Variants in ANKRD11 observed in about 807,000 individuals in gnomAD.
ANKRD11 encodes the protein ankyrin repeat domain-containing protein 11.
A neutral mutation model predicts 195.7 loss-of-function variants in ANKRD11; 17 were observed. The ratio of observed to expected loss-of-function variants is 0.09; its 90% CI spans 0.06 to 0.13. The LOEUF (loss-of-function observed/expected upper bound fraction) is 0.13. Ranked by LOEUF, ANKRD11 falls within the 10% of genes least tolerant of loss-of-function variation. The probability of loss-of-function intolerance (pLI) is 1.00; values close to 1 mark genes in which losing one functional copy is unlikely to be tolerated. For missense variants in ANKRD11, 3,735 were observed against 3,566.1 expected (o/e 1.05, Z -1.21); for synonymous variants, 1,953 against 1,528.1 (o/e 1.28, Z -6.49).
chr16:89,469,479 T>A (rs2056996072), intron 1 of ANKRD11, among the ~76,000 whole-genome samples: 1 of 152,140 alleles, frequency 6.6e-6, no homozygotes, highest in African/African-American at 2.4e-5. Context: ...CACCTTGGCC[T>A]CCCGAAGTGC....
intron 1 of ANKRD11, among the ~76,000 whole-genome samples, chr16:89,444,255 G>A (rs959643375): frequency 3.3e-5 from 5 of 152,050 alleles, no homozygotes; most frequent in African/African-American, 4.8e-5. Flanking sequence ...AATGCAGTCA[G>A]CAGAAAACTG....
chr16:89,384,790 A>G (rs1457535274), intron 2 of ANKRD11, among the ~76,000 whole-genome samples: 1 of 151,406 alleles, frequency 6.6e-6, no homozygotes, highest in Non-Finnish European at 1.5e-5. Context: ...AAGCAGGCCC[A>G]CTAGACAGCC....
intron 12 of ANKRD11, among the ~76,000 whole-genome samples, 159 bp from the exon 13 acceptor site, chr16:89,268,822 C>T (rs1443583898): frequency 6.6e-6 from 1 of 152,224 alleles, no homozygotes; most frequent in African/African-American, 2.4e-5. Context: ...CATCTAGTTA[C>T]TACACGTGGC....
intron 1 of ANKRD11, among the ~76,000 whole-genome samples, chr16:89,485,496 A>G (rs990728809): frequency 6.6e-6 from 1 of 152,150 alleles, no homozygotes; most frequent in Non-Finnish European, 1.5e-5. Context: ...TCTCAAAACA[A>G]AACAAAACTG....
chr16:89,328,629 C>A (rs1360743045), intron 2 of ANKRD11, among the ~76,000 whole-genome samples: 1 of 130,042 alleles, frequency 7.7e-6, no homozygotes, highest in African/African-American at 3.0e-5. Flanking sequence ...TGAGTGGACA[C>A]ACCCAGGAGC....
At chr16:89,424,828 G>T (rs1483872953) in intron 1 of ANKRD11, among the ~76,000 whole-genome samples, 3 of 152,152 alleles carry the variant, frequency 2.0e-5, no homozygotes, top group East Asian at 3.9e-4. Context: ...ACACGGCAGG[G>T]ACGGGGGCCC....
chr16:89,424,351 G>A (rs2911252), intron 1 of ANKRD11, among the ~76,000 whole-genome samples: 75,666 of 151,448 alleles, frequency 0.5, 19,598 homozygotes, highest in Middle Eastern at 0.73. Context: ...TGAAGCAGGA[G>A]AATCACTTGA....
chr16:89,287,009 G>T, intron 7 of ANKRD11: 4 of 1,289,604 alleles, frequency 3.1e-6, no homozygotes, highest in Non-Finnish European at 4.0e-6. Context: ...TCTTATGTGT[G>T]TGAGTTTTCT....
rs16965702 is a variant in ANKRD11, at chr16:89,426,004, G to A, written c.-144-7636C>T. Among the ~76,000 whole-genome samples, 1,191 of 152,260 alleles carry A rather than the reference G, an allele frequency of 7.8e-3. 16 individuals are homozygous for A. The highest frequency in any genetic ancestry group is 0.027 in the African/African-American group (1,126 of 41,540). On this transcript the variant is annotated intron_variant, in intron 1 of 12. Transcript: ENST00000301030. ...CAAGGGGGAACGATTTCACACAACCGTTCTTCCCTTTCCATAATGCCTGCC... is the reference window on the plus strand; with the variant it reads ...CAAGGGGGAACGATTTCACACAACCATTCTTCCCTTTCCATAATGCCTGCC...
Position 89,282,927 on chromosome 16 carries a change from G to A in ANKRD11, c.3615C>T (p.His1205=), listed in dbSNP as rs1224523718. Residue 1205 remains histidine (H), a synonymous_variant, in exon 9 of 13, where the codon CAC becomes CAT. Coordinates refer to ENST00000301030, the MANE Select transcript of ANKRD11 (RefSeq NM_013275.6). ...TGGACTCTTTATCCTTCTTCTCCTTGTGCTTTTCAAAGACTTTCTCTTTTT... is the reference window on the plus strand; with the variant it reads ...TGGACTCTTTATCCTTCTTCTCCTTATGCTTTTCAAAGACTTTCTCTTTTT... ...RDKKEKVFEK[H]KEKKDKESTE... 6.2e-7 allele frequency: 1 copy of A among 1,612,816 alleles called. No individual in the cohort carries two copies. Among genetic ancestry groups the A allele is most frequent in the Admixed American group, 1.7e-5 (1 of 59,958 alleles).
chr16:89,407,684 CAT>C (rs1052445734), intron 2 of ANKRD11, among the ~76,000 whole-genome samples: 19 of 150,794 alleles, frequency 1.3e-4, no homozygotes, highest in East Asian at 2.0e-4. Flanking sequence ...CACACACACA[CAT>C]AGACACACAC....
At chr16:89,346,963 C>T (rs1388317585) in intron 2 of ANKRD11, among the ~76,000 whole-genome samples, 1 of 152,198 alleles carries the variant, frequency 6.6e-6, no homozygotes, top group African/African-American at 2.4e-5. Context: ...AGGAAAGCAA[C>T]TAGACAAAAT....
rs1178259614 is a variant in ANKRD11, at chr16:89,279,429, G to A, written c.7113C>T (p.Ala2371=). 6.6e-7 allele frequency: 1 copy of A among 1,522,646 alleles called. No individual in the cohort carries two copies. The highest frequency in any genetic ancestry group is 2.5e-5 in the East Asian group (1 of 40,736). The allele number at this position is 1,522,646 out of a possible 1,614,324, so 94.3% of individuals were successfully genotyped here. A position where few individuals can be genotyped will look rare whatever the true frequency, so the allele number is the denominator to read the frequency against. The change falls in exon 9 of 13, where the codon GCC becomes GCT. Residue 2371 remains alanine, a synonymous_variant. Coordinates refer to ENST00000301030, the MANE Select transcript of ANKRD11 (RefSeq NM_013275.6). This position sits in a 1 kb window ranked among gnomAD's most constrained non-coding sequence, Gnocchi z 5.6. ...GGGCGTCGTCGTCCTCGGAGCCGCG[G>A]GCCTTGGCCCTGGTGACCGGGGCAG... is the stretch of plus-strand genomic sequence containing the variant. ...PTPAPVTRAK[A]RGSEDDDAQA...
At chr16:89,298,691 A>G (rs534492021) in intron 4 of ANKRD11, among the ~76,000 whole-genome samples, 1 of 152,216 alleles carries the variant, frequency 6.6e-6, no homozygotes, top group African/African-American at 2.4e-5. Flanking sequence ...CTACCGGCCT[A>G]AGTGCACTTC....
chr16:89,311,182 T>G (rs890288230), intron 3 of ANKRD11, among the ~76,000 whole-genome samples: 7 of 152,250 alleles, frequency 4.6e-5, no homozygotes, highest in African/African-American at 1.4e-4. Context: ...TATAACAACT[T>G]GAACTGATTG....
intron 2 of ANKRD11, among the ~76,000 whole-genome samples, chr16:89,391,503 G>A (rs1270737794): frequency 2.0e-5 from 3 of 152,284 alleles, no homozygotes; most frequent in South Asian, 4.1e-4. Context: ...CCACACAACT[G>A]GTCACAGACG....
At chr16:89,470,418 A>C (rs927852015) in intron 1 of ANKRD11, among the ~76,000 whole-genome samples, 2 of 152,202 alleles carry the variant, frequency 1.3e-5, no homozygotes, top group African/African-American at 4.8e-5. Context: ...ATCCAGGTCC[A>C]GGTCAACGCA....
At position 89,432,984 on chromosome 16, in the gene ANKRD11, CT is replaced by C. The variant is rs1240675284; in HGVS notation, c.-144-14617del. Among the ~76,000 whole-genome samples the C allele has an allele frequency of 1.7e-3, 232 of 135,080 alleles. 1 individual carries two copies. Among genetic ancestry groups the C allele is most frequent in the South Asian group, 6.5e-3 (29 of 4,466 alleles). 88.6% of individuals were successfully genotyped at this position (135,080 alleles called of 152,430 possible). On this transcript the variant is annotated intron_variant, in intron 1 of 12. Coordinates refer to ENST00000301030, the MANE Select transcript of ANKRD11 (RefSeq NM_013275.6). Reference sequence around the variant, plus strand: ...TCTCTCTCTCTCTCTCTCTCTCTCTCTCTCTCCTCTCTCTCACACACACACA... The same window carrying C: ...TCTCTCTCTCTCTCTCTCTCTCTCTCCTCTCCTCTCTCTCACACACACACA...
chr16:89,415,570 T>G (rs1263211361), intron 2 of ANKRD11, among the ~76,000 whole-genome samples: 4 of 151,640 alleles, frequency 2.6e-5, no homozygotes, highest in Non-Finnish European at 5.9e-5. Flanking sequence ...GGCAAGCTAT[T>G]CTTTTTTTAA....
Sources: gnomAD v4.1 joint callset for allele counts (sites outside exome capture counted in the v4.1 genomes callset) on GRCh38, gnomAD v4.1.1 for gene constraint, Gnocchi (gnomAD v3.1) non-coding constraint, MANE v1.5 for transcripts, NCBI Gene and HGNC (gene_info 2026-07-23, HGNC 2026-07-21) for gene names.